The following AUTS2 variants were observed in gnomAD, a reference collection of about 807,000 sequenced individuals.
AUTS2 encodes autism susceptibility gene 2 protein.
In AUTS2, 17 loss-of-function variants were observed where a neutral mutation model predicts 112.4. The observed-to-expected ratio is 0.15, with a 90% CI of 0.10 to 0.23. AUTS2 has a LOEUF of 0.23. AUTS2 is among the 10% of genes least tolerant of loss of function. The probability of loss-of-function intolerance (pLI) is 1.00; values close to 1 mark genes in which losing one functional copy is unlikely to be tolerated. For missense variants in AUTS2, 1,510 were observed against 1,701.6 expected (o/e 0.89, Z 1.98); for synonymous variants, 751 against 702.7 (o/e 1.07, Z -1.09).
chr7:70,440,274 G>A (rs966319440), intron 5 of AUTS2, among the ~76,000 whole-genome samples: 4 of 151,434 alleles, frequency 2.6e-5, no homozygotes, highest in Non-Finnish European at 5.9e-5. Flanking sequence ...CAGGCATGGT[G>A]GCATGTGCCT....
In AUTS2 at chr7:69,599,973, C is replaced by A; in HGVS notation, c.309+11C>A. ...TTTGAAGCGCTGGAGGTAAGGGGGA[C>A]CCCCCTTCCCCCGGGTTCCCTTTAT... On this transcript the variant is annotated intron_variant, in intron 1 of 18. Transcript: ENST00000342771. The surrounding 1 kb of genome is among the most constrained non-coding windows in gnomAD (Gnocchi z 7.0). 6.3e-7 allele frequency: 1 copy of A among 1,598,636 alleles called. No individual in the cohort carries two copies.
intron 5 of AUTS2, among the ~76,000 whole-genome samples, chr7:70,581,774 A>G (rs558834460): frequency 1.3e-5 from 2 of 152,278 alleles, no homozygotes; most frequent in East Asian, 1.9e-4. Context: ...AGACTCTGCT[A>G]TCACTTTTAT....
intron 2 of AUTS2, among the ~76,000 whole-genome samples, chr7:70,004,792 T>C (rs1799468813): frequency 6.6e-6 from 1 of 151,514 alleles, no homozygotes; most frequent in East Asian, 1.9e-4. Flanking sequence ...GCGTGGAGTC[T>C]ACACATGAAT....
intron 4 of AUTS2, among the ~76,000 whole-genome samples, chr7:70,227,832 G>T (rs1311747650): frequency 6.6e-6 from 1 of 152,002 alleles, no homozygotes. Context: ...TAAATTTATA[G>T]ATAGTTATGG....
intron 5 of AUTS2, among the ~76,000 whole-genome samples, chr7:70,491,553 A>G: frequency 6.8e-6 from 1 of 147,042 alleles, no homozygotes; most frequent in Non-Finnish European, 1.5e-5. Context: ...TATATGTTAT[A>G]TATAATATAT....
chr7:69,691,405 G>A (rs901526111), intron 1 of AUTS2, among the ~76,000 whole-genome samples: 5 of 152,048 alleles, frequency 3.3e-5, no homozygotes, highest in African/African-American at 9.7e-5. Flanking sequence ...CCCATGCCAA[G>A]CTACCCTCAG....
chr7:70,566,605 A>C (rs1801718718), intron 5 of AUTS2, among the ~76,000 whole-genome samples: 1 of 152,210 alleles, frequency 6.6e-6, no homozygotes, highest in African/African-American at 2.4e-5. Flanking sequence ...TTAAAGGTTT[A>C]ACTGTTTCCC....
At chr7:69,922,490 A>T (rs951683785) in intron 2 of AUTS2, among the ~76,000 whole-genome samples, 1 of 152,210 alleles carries the variant, frequency 6.6e-6, no homozygotes, top group Non-Finnish European at 1.5e-5. Context: ...AGGCCCTGGT[A>T]TGTGGTATTG....
At chr7:69,914,316 C>T (rs1795472671) in intron 2 of AUTS2, among the ~76,000 whole-genome samples, 2 of 146,044 alleles carry the variant, frequency 1.4e-5, no homozygotes, top group Admixed American at 1.4e-4. Flanking sequence ...TAATTGGCTA[C>T]AAAAAAAAGC....
chr7:70,596,137 T>G (rs1413096195), intron 5 of AUTS2: 1 of 151,680 alleles, frequency 6.6e-6, no homozygotes, highest in African/African-American at 2.4e-5. Context: ...GAGACGGTCA[T>G]GAGGAGCGAG....
chr7:69,756,591 C>CTT (rs11458017), intron 1 of AUTS2, among the ~76,000 whole-genome samples: 68 of 149,882 alleles, frequency 4.5e-4, no homozygotes, highest in Admixed American at 1.5e-3. Context: ...TTTATTGTAT[C>CTT]TTTTTTTTTT....
rs538994594 is a variant in AUTS2, at chr7:69,808,531, C to G, written c.310-90755C>G. Among the ~76,000 whole-genome samples, 121 of 152,072 alleles carry G rather than the reference C, an allele frequency of 8.0e-4. 1 individual carries two copies. The highest frequency in any genetic ancestry group is 2.3e-3 in the Admixed American group (35 of 15,282). On this transcript the variant is annotated intron_variant, in intron 1 of 18. Transcript: ENST00000342771. ...TGGAAGTAAAAAAAAAATTTTTTTT[C>G]AGGTTTGCGCTTAGGCACTAAATCA...
chr7:70,549,630 T>A (rs1800935522), intron 5 of AUTS2, among the ~76,000 whole-genome samples: 1 of 152,194 alleles, frequency 6.6e-6, no homozygotes, highest in South Asian at 2.1e-4. Context: ...AGTTCAAGGT[T>A]ACAGTGAGCT....
intron 5 of AUTS2, among the ~76,000 whole-genome samples, chr7:70,688,315 T>C (rs1808571388): frequency 1.3e-5 from 2 of 152,210 alleles, no homozygotes; most frequent in Non-Finnish European, 2.9e-5. Context: ...ATGTGAATTC[T>C]ATCCACAAGA....
intron 4 of AUTS2, among the ~76,000 whole-genome samples, chr7:70,212,779 G>A (rs563404428): frequency 3.2e-4 from 48 of 152,138 alleles, no homozygotes; most frequent in African/African-American, 1.2e-3. Flanking sequence ...GTATCATCGA[G>A]TCATTTTTAT....
intron 1 of AUTS2, among the ~76,000 whole-genome samples, chr7:69,630,924 C>CT (rs1002795369): frequency 1.1e-3 from 164 of 148,048 alleles, no homozygotes; most frequent in African/African-American, 3.5e-3. Flanking sequence ...CCCATTTATT[C>CT]TTTTTTTTTT....
chr7:70,015,892 C>G (rs1800007852), intron 2 of AUTS2, among the ~76,000 whole-genome samples: 1 of 150,860 alleles, frequency 6.6e-6, no homozygotes, highest in South Asian at 2.1e-4. Context: ...TTGTGCCTTG[C>G]AGGGCTGCAT....
chr7:70,212,479 G>A (rs1810958810), intron 4 of AUTS2, among the ~76,000 whole-genome samples: 1 of 152,116 alleles, frequency 6.6e-6, no homozygotes, highest in South Asian at 2.1e-4. Context: ...GACAACATAT[G>A]GCCATGTGGA....
At chr7:70,299,454 C>G (rs1295874201) in intron 4 of AUTS2, among the ~76,000 whole-genome samples, 1 of 152,228 alleles carries the variant, frequency 6.6e-6, no homozygotes, top group African/African-American at 2.4e-5. Flanking sequence ...TCATTTCTCT[C>G]TATTCCCCAC....
Sources: allele counts gnomAD v4.1 joint callset (sites outside exome capture counted in the v4.1 genomes callset), GRCh38; gene constraint gnomAD v4.1.1; non-coding constraint Gnocchi (gnomAD v3.1); transcripts MANE v1.5; gene names NCBI Gene and HGNC (gene_info 2026-07-23, HGNC 2026-07-21).